The following FREM1 variants were observed in gnomAD, a reference collection of about 807,000 sequenced individuals.
FREM1 encodes FRAS1 related extracellular matrix 1.
FREM1 carries 220 observed loss-of-function variants against 210.1 expected under a neutral mutation model. The ratio of observed to expected loss-of-function variants is 1.05; its 90% CI spans 0.94 to 1.17. FREM1 has a LOEUF of 1.17. Ranked by LOEUF, FREM1 falls within the 50% of genes most tolerant of loss-of-function variation. The probability of loss-of-function intolerance (pLI) is 0.00; values close to 1 mark genes in which losing one functional copy is unlikely to be tolerated. For synonymous variants in FREM1, 1,189 were observed against 980.2 expected (o/e 1.21, Z -3.98); for missense variants, 3,454 against 2,675.5 (o/e 1.29, Z -6.42).
chr9:14,822,860 C>T (rs1400699474), intron 13 of FREM1, among the ~76,000 whole-genome samples: 2 of 152,108 alleles, frequency 1.3e-5, no homozygotes, highest in Non-Finnish European at 2.9e-5. Flanking sequence ...ATCCCCTTCC[C>T]TTGATCAACA....
intron 1 of FREM1, among the ~76,000 whole-genome samples, chr9:14,891,236 T>C (rs891558159): frequency 1.3e-5 from 2 of 152,248 alleles, no homozygotes; most frequent in African/African-American, 2.4e-5. Flanking sequence ...CAATTCAATT[T>C]TCAGAATGTA....
intron 5 of FREM1, 130 bp downstream of exon 5, chr9:14,857,423 A>G: frequency 1.2e-6 from 1 of 805,396 alleles, no homozygotes. Flanking sequence ...AGTTCCAATG[A>G]GTCGCTGGCA....
At chr9:14,785,167 G>A (rs372832670) in intron 23 of FREM1, among the ~76,000 whole-genome samples, 1 of 152,330 alleles carries the variant, frequency 6.6e-6, no homozygotes, top group African/African-American at 2.4e-5. Flanking sequence ...GTAATTGAAA[G>A]CATTACATGC....
At chr9:14,834,815 C>G (rs545933644) in intron 10 of FREM1, among the ~76,000 whole-genome samples, 1 of 152,202 alleles carries the variant, frequency 6.6e-6, no homozygotes, top group South Asian at 2.1e-4. Context: ...ATTCTAATGC[C>G]TAAGTATGTG....
Position 14,841,537 on chromosome 9 carries a change from A to G in FREM1, c.1791T>C (p.Tyr597=), listed in dbSNP as rs115032700. The change falls in exon 10 of 37, where the codon TAT becomes TAC. Residue 597 remains tyrosine, a synonymous_variant. Coordinates refer to ENST00000380880, the MANE Select transcript of FREM1 (RefSeq NM_001379081.2). Reference sequence around the variant, plus strand: ...AGATTTCTCCACCAAAATGACGATAATAAATGATTCCATTAAACAAATCCC... The same window carrying G: ...AGATTTCTCCACCAAAATGACGATAGTAAATGATTCCATTAAACAAATCCC... ...LQRDLFNGII[Y]YRHFGGEIFE... 2.0e-3 allele frequency: 3,181 copies of G among 1,612,464 alleles called. 52 individuals carry two copies. The African/African-American group carries it at 0.038, about 19-fold the overall frequency.
chr9:14,848,466 T>C (rs1206899678), intron 7 of FREM1, among the ~76,000 whole-genome samples, 199 bp downstream of exon 7: 5 of 152,114 alleles, frequency 3.3e-5, no homozygotes, highest in African/African-American at 1.2e-4. Flanking sequence ...GACGCAGAAA[T>C]CCTGGATTTA....
At chr9:14,764,745 A>G (rs1200294023) in intron 27 of FREM1, among the ~76,000 whole-genome samples, 1 of 152,124 alleles carries the variant, frequency 6.6e-6, no homozygotes, top group African/African-American at 2.4e-5. Flanking sequence ...GCCAATGTTG[A>G]GACACCCGGT....
chr9:14,874,091 T>C (rs1203333337), intron 1 of FREM1, among the ~76,000 whole-genome samples: 24 of 152,320 alleles, frequency 1.6e-4, no homozygotes, highest in Non-Finnish European at 2.9e-4. Flanking sequence ...CTTCCAACTA[T>C]GTGGTCAATT....
chr9:14,861,208 TATACATATATAC>T (rs1201747904), intron 3 of FREM1, among the ~76,000 whole-genome samples: 108 of 93,462 alleles, frequency 1.2e-3, no homozygotes, highest in African/African-American at 8.2e-3. Context: ...TATACACACA[TATACATATATAC>T]ACATATATAC....
At chr9:14,866,573 T>C (rs1411057054) in intron 2 of FREM1, among the ~76,000 whole-genome samples, 1 of 152,206 alleles carries the variant, frequency 6.6e-6, no homozygotes, top group East Asian at 1.9e-4. Flanking sequence ...GCATGCATGC[T>C]TGAGGTCCAA....
intron 1 of FREM1, among the ~76,000 whole-genome samples, chr9:14,897,991 A>G (rs562729783): frequency 6.6e-6 from 1 of 152,264 alleles, no homozygotes; most frequent in Admixed American, 6.5e-5. Context: ...CATTTTTCAT[A>G]ATTTTTCTTT....
chr9:14,875,845 G>A (rs1274212109), intron 1 of FREM1, among the ~76,000 whole-genome samples: 1 of 152,168 alleles, frequency 6.6e-6, no homozygotes, highest in African/African-American at 2.4e-5. Flanking sequence ...ATTTACAGAT[G>A]GGTTTTTGGT....
At chr9:14,809,802 A>G (rs1819061562) in intron 16 of FREM1, among the ~76,000 whole-genome samples, 1 of 152,236 alleles carries the variant, frequency 6.6e-6, no homozygotes, top group Non-Finnish European at 1.5e-5. Flanking sequence ...GTCAAATGTC[A>G]AAAGACCACA....
chr9:14,892,444 C>T (rs566369580), intron 1 of FREM1, among the ~76,000 whole-genome samples: 17 of 152,026 alleles, frequency 1.1e-4, no homozygotes, highest in Non-Finnish European at 2.5e-4. Context: ...AAGGCAAGGA[C>T]GCTTGACCGA....
intron 1 of FREM1, among the ~76,000 whole-genome samples, chr9:14,900,837 T>C (rs1053764287): frequency 6.6e-6 from 1 of 152,214 alleles, no homozygotes; most frequent in Non-Finnish European, 1.5e-5. Context: ...TGCATGGAAA[T>C]CACAGGCTAT....
intron 3 of FREM1, among the ~76,000 whole-genome samples, chr9:14,860,116 A>G (rs1829535691): frequency 6.6e-6 from 1 of 152,116 alleles, no homozygotes; most frequent in Non-Finnish European, 1.5e-5. Flanking sequence ...GCAGCTTCTA[A>G]TTGATGTGCT....
chr9:14,777,156 G>A (rs1175268070), intron 24 of FREM1, among the ~76,000 whole-genome samples: 1 of 152,200 alleles, frequency 6.6e-6, no homozygotes, highest in Non-Finnish European at 1.5e-5. Flanking sequence ...AAGCTGAAAT[G>A]ATACACATTT....
chr9:14,857,125 C>T (rs543813554), intron 5 of FREM1, among the ~76,000 whole-genome samples: 1 of 152,198 alleles, frequency 6.6e-6, no homozygotes, highest in South Asian at 2.1e-4. Flanking sequence ...CAAACATAAC[C>T]ATGGGACTGA....
rs866082192 is a variant in FREM1, at chr9:14,816,855, T to C, written c.2563A>G (p.Thr855Ala). The C allele has an allele frequency of 1.4e-5, 20 of 1,400,012 alleles. No individual in the cohort carries two copies. In the Admixed American group the frequency reaches 2.9e-4, roughly 20 times the overall value. The allele number at this position is 1,400,012 out of a possible 1,614,324, so 86.7% of individuals were successfully genotyped here. A position where few individuals can be genotyped will look rare whatever the true frequency, so the allele number is the denominator to read the frequency against. The change falls in exon 15 of 37, where the codon ACT becomes GCT. Residue 855 changes from threonine (T) to alanine (A), a missense_variant. Coordinates refer to ENST00000380880, the MANE Select transcript of FREM1 (RefSeq NM_001379081.2). ...AGTAGGTCATCCTGAAGAACTTCAG[T>C]TCCATCATGTTGATACCTGTGGGGA... ...TLKVRYQHDG[T>A]EVLQDDLLLE...
Sources: gnomAD v4.1 joint callset for allele counts (sites outside exome capture counted in the v4.1 genomes callset) on GRCh38, gnomAD v4.1.1 for gene constraint, MANE v1.5 for transcripts, NCBI Gene and HGNC (gene_info 2026-07-23, HGNC 2026-07-21) for gene names.